The following ZNF695 variants were observed in gnomAD, a reference collection of about 807,000 sequenced individuals.
ZNF695 encodes the protein zinc finger protein 695.
In ZNF695, 11 loss-of-function variants were observed where a neutral mutation model predicts 11.2. The observed-to-expected ratio is 0.98, with a 90% CI of 0.62 to 1.62. The LOEUF (loss-of-function observed/expected upper bound fraction) is 1.62. Among genes scored for constraint, ZNF695 ranks in the 40% most tolerant of loss-of-function variants. The pLI, the probability that ZNF695 is intolerant of heterozygous loss-of-function variation, is 0.00. For synonymous variants in ZNF695, 190 were observed against 201.4 expected (o/e 0.94, Z 0.48); for missense variants, 559 against 590.5 (o/e 0.95, Z 0.55).
intron 4 of ZNF695, among the ~76,000 whole-genome samples, chr1:246,976,735 A>G (rs987982275): frequency 6.6e-6 from 1 of 152,164 alleles, no homozygotes; most frequent in Non-Finnish European, 1.5e-5. Context: ...CAGAGCTTGC[A>G]GTGTGCTGAG....
At chr1:246,976,611 G>A (rs10737796) in intron 4 of ZNF695, among the ~76,000 whole-genome samples, 122,364 of 150,860 alleles carry the variant, frequency 0.81, 49,844 homozygotes, top group East Asian at 0.99. Context: ...TGGCTAACAC[G>A]GTGAAACCCC....
intron 1 of ZNF695, 150 bp from the exon 2 acceptor site, chr1:247,000,224 A>G (rs570070888): frequency 1.2e-4 from 91 of 730,062 alleles, no homozygotes; most frequent in Non-Finnish European, 1.7e-4. Flanking sequence ...AATATACTCT[A>G]GGCCGGGCGC....
At chr1:246,965,340 G>C (rs551192550) in intron 5 of ZNF695, among the ~76,000 whole-genome samples, 54 of 146,672 alleles carry the variant, frequency 3.7e-4, no homozygotes, top group African/African-American at 1.3e-3. Context: ...CTGGGTGACA[G>C]AGAGAGACTC....
At position 246,965,589 on chromosome 1, in the gene ZNF695, T is replaced by C. The variant is rs148026401; in HGVS notation, c.488+2106A>G. ...CTGTCTCTACTAAAAATACAAAAAT[T>C]AGCCAGGTGTGGTCGTGTGTGCCTG... On this transcript the variant is annotated intron_variant, in intron 5 of 5. Coordinates refer to the ZNF695 transcript ENST00000487338. 3.7e-3 allele frequency among the ~76,000 whole-genome samples: 555 copies of C among 151,562 alleles called. 4 individuals are homozygous for C. Among genetic ancestry groups the C allele is most frequent in the African/African-American group, 0.012 (515 of 41,284 alleles).
chr1:246,979,116 G>C (rs1668641104), intron 4 of ZNF695, among the ~76,000 whole-genome samples: 7 of 152,158 alleles, frequency 4.6e-5, no homozygotes, highest in Admixed American at 3.3e-4. Flanking sequence ...AGGATCTAAA[G>C]TCTTTACATG....
intron 5 of ZNF695, chr1:246,966,915 A>C: frequency 2.3e-6 from 1 of 442,140 alleles, no homozygotes. Flanking sequence ...ATATTAAATA[A>C]ATCATATTAA....
rs1244455232 is a variant in ZNF695, at chr1:246,947,187, T to A, written c.489-1360A>T. 4.2e-5 allele frequency among the ~76,000 whole-genome samples: 5 copies of A among 117,858 alleles called. No homozygotes were observed. In the East Asian group the frequency reaches 9.7e-4, roughly 23 times the overall value. 77.3% of individuals were successfully genotyped at this position (117,858 alleles called of 152,430 possible). A position where few individuals can be genotyped will look rare whatever the true frequency, so the allele number is the denominator to read the frequency against. ...GAGTAAATGGGGTGATAGGGTTTTT[T>A]ATTTTTTTTGGGGGGGTGGTTTTTT... On this transcript the variant is annotated intron_variant, in intron 5 of 5. Transcript: ENST00000487338.
intron 3 of ZNF695, among the ~76,000 whole-genome samples, chr1:246,994,104 G>A (rs910341577): frequency 4.6e-5 from 7 of 152,106 alleles, no homozygotes; most frequent in African/African-American, 7.2e-5. Context: ...GAACCTGGGC[G>A]GCGGAGGAAC....
intron 4 of ZNF695, among the ~76,000 whole-genome samples, chr1:246,978,784 TACTC>T (rs1167646597): frequency 6.6e-6 from 1 of 152,202 alleles, no homozygotes; most frequent in Non-Finnish European, 1.5e-5. Context: ...TCCTTCATGT[TACTC>T]ACTCAGCAGT....
intron 1 of ZNF695, among the ~76,000 whole-genome samples, chr1:247,005,567 GC>G (rs1205922058): frequency 6.6e-6 from 1 of 151,968 alleles, no homozygotes; most frequent in East Asian, 1.9e-4. Flanking sequence ...ACAAAAGTTA[GC>G]TAGCTGTGGT....
At chr1:246,946,884 G>A (rs1281641579) in intron 5 of ZNF695, among the ~76,000 whole-genome samples, 2 of 152,180 alleles carry the variant, frequency 1.3e-5, no homozygotes, top group Non-Finnish European at 2.9e-5. Context: ...GCACACGCCT[G>A]TAATCCCAGC....
At chr1:246,963,626 A>G (rs939300907) in intron 5 of ZNF695, among the ~76,000 whole-genome samples, 1 of 152,150 alleles carries the variant, frequency 6.6e-6, no homozygotes, top group Admixed American at 6.5e-5. Flanking sequence ...TGCGGGGGTT[A>G]TTGCGATTTT....
chr1:246,970,200 G>C (rs866637859), intron 4 of ZNF695, among the ~76,000 whole-genome samples: 6 of 152,224 alleles, frequency 3.9e-5, no homozygotes, highest in Non-Finnish European at 5.9e-5. Flanking sequence ...GACAGTGAAA[G>C]AGTGATTGAG....
At chr1:246,977,971 A>T (rs1232232136) in intron 4 of ZNF695, among the ~76,000 whole-genome samples, 1 of 152,250 alleles carries the variant, frequency 6.6e-6, no homozygotes, top group African/African-American at 2.4e-5. Flanking sequence ...TGAAGCTAAT[A>T]GGACAGGGAA....
intron 4 of ZNF695, among the ~76,000 whole-genome samples, chr1:246,975,676 G>T (rs1668539515): frequency 6.6e-6 from 1 of 152,176 alleles, no homozygotes; most frequent in Non-Finnish European, 1.5e-5. Context: ...AGGCAGAGGA[G>T]CTAGGAAGCA....
intron 5 of ZNF695, among the ~76,000 whole-genome samples, chr1:246,963,566 G>A (rs907920040): frequency 2.0e-5 from 3 of 152,224 alleles, no homozygotes; most frequent in Admixed American, 2.0e-4. Flanking sequence ...CAAGACAAGT[G>A]CTATGGAGAA....
chr1:246,961,128 TG>T (rs1668152902), intron 5 of ZNF695, among the ~76,000 whole-genome samples: 1 of 152,194 alleles, frequency 6.6e-6, no homozygotes. Context: ...TTCAAAATCA[TG>T]GGGTATAAGT....
chr1:246,984,279 TTA>T (rs1491247208), downstream of ZNF695, among the ~76,000 whole-genome samples: 48 of 125,502 alleles, frequency 3.8e-4, no homozygotes, highest in African/African-American at 8.7e-4. Flanking sequence ...AACACAGGTT[TTA>T]AAAAAAAAAA....
intron 5 of ZNF695, among the ~76,000 whole-genome samples, chr1:246,948,134 C>T (rs541599895): frequency 6.6e-6 from 1 of 152,250 alleles, no homozygotes; most frequent in African/African-American, 2.4e-5. Flanking sequence ...AATGCAGTGG[C>T]GTGATCTTGG....
Sources: allele counts gnomAD v4.1 joint callset (sites outside exome capture counted in the v4.1 genomes callset), GRCh38; gene constraint gnomAD v4.1.1; transcripts MANE v1.5; gene names NCBI Gene and HGNC (gene_info 2026-07-23, HGNC 2026-07-21).